The following ZNF135 variants were observed in gnomAD, a reference collection of about 807,000 sequenced individuals.
ZNF135 encodes zinc finger protein 135 (clone pHZ-17).
In ZNF135, 11 loss-of-function variants were observed where a neutral mutation model predicts 12.3. The ratio of observed to expected loss-of-function variants is 0.89; its 90% CI spans 0.56 to 1.48. The LOEUF (loss-of-function observed/expected upper bound fraction) is 1.48, where lower values mean the gene tolerates loss of function less well. ZNF135 is among the 40% of genes most tolerant of loss of function. ZNF135 has a pLI of 0.00. For missense variants in ZNF135, 722 were observed against 815.7 expected, an observed-to-expected ratio of 0.89 and a Z score of 1.40; for synonymous variants, 316 against 312.0, an observed-to-expected ratio of 1.01 and a Z score of -0.14.
chr19:58,068,470 C>T lies in ZNF135; in HGVS notation c.*9C>T, dbSNP rs1215912648. On this transcript the variant is annotated 3_prime_UTR_variant, in exon 5 of 5. Coordinates refer to ENST00000313434, the MANE Select transcript of ZNF135 (RefSeq NM_001289401.2). ...GAACTCACACTGGATAAACCCACTCCACATGTGCTGGGGACATAGGAAGAC... is the reference window on the plus strand; with the variant it reads ...GAACTCACACTGGATAAACCCACTCTACATGTGCTGGGGACATAGGAAGAC... 6.2e-7 allele frequency: 1 copy of T among 1,612,102 alleles called. No individual in the cohort carries two copies. Among genetic ancestry groups the T allele is most frequent in the Admixed American group, 1.7e-5 (1 of 59,942 alleles).
Position 58,063,467 on chromosome 19 carries a change from A to T in ZNF135, c.182A>T (p.Asn61Ile). 6.2e-7 allele frequency: 1 copy of T among 1,614,122 alleles called. No individual in the cohort carries two copies. The highest frequency in any genetic ancestry group is 8.5e-7 in the Non-Finnish European group (1 of 1,179,994). The change falls in exon 4 of 5, where the codon AAT becomes ATT. Residue 61 changes from asparagine to isoleucine, a missense_variant. Transcript: ENST00000313434. The surrounding 1 kb of genome is among the most constrained non-coding windows in gnomAD (Gnocchi z 4.4). ...VSVGHWLPKPNVISLLEQEAE... is the reference protein window; with the variant it reads ...VSVGHWLPKPIVISLLEQEAE... ...GCAGGACATTGGTTACCGAAGCCGA[A>T]TGTCATCTCCCTGCTGGAGCAAGAG...
rs758415997 is a variant in ZNF135, at chr19:58,067,862, C to G, written c.1378C>G (p.His460Asp). 1.9e-6 allele frequency: 3 copies of G among 1,613,256 alleles called. No homozygotes were observed. The highest frequency in any genetic ancestry group is 2.5e-6 in the Non-Finnish European group (3 of 1,179,892). ...CTCACTCAGCCAGCATGAGCGGACA[C>G]ACACAGGAGAGAAGCCCTATGAGTG... is the stretch of plus-strand genomic sequence containing the variant. ...SSSLSQHERT[H>D]TGEKPYECSQ... Residue 460 changes from histidine to aspartate, a missense_variant, in exon 5 of 5, where the codon CAC (histidine) becomes GAC (aspartate). Coordinates refer to ENST00000313434, the MANE Select transcript of ZNF135 (RefSeq NM_001289401.2).
At position 58,065,508 on chromosome 19, in the gene ZNF135, C is replaced by A. The variant is rs1451005301; in HGVS notation, c.257-1233C>A. Among the ~76,000 whole-genome samples the A allele has an allele frequency of 1.3e-5, 2 of 152,190 alleles. No individual in the cohort carries two copies. Among genetic ancestry groups the A allele is most frequent in the African/African-American group, 2.4e-5 (1 of 41,444 alleles). ...CCTGTGCCTGGCTAAGAATCCGTTT[C>A]TTTGCATTTTTCAGCTTCTAGAGGC... On this transcript the variant is annotated intron_variant, in intron 4 of 4. Transcript: ENST00000313434. This position sits in a 1 kb window ranked among gnomAD's most constrained non-coding sequence, Gnocchi z 4.0.
rs1370932606 is a variant in ZNF135 at position 58,065,237 on chromosome 19, A to C, written c.257-1504A>C. Reference sequence around the variant, plus strand: ...GAGATGGGGTCTTGCTATCTTGCCTAGGATGGAGTCCAGTGGTATGATCAT... The same window carrying C: ...GAGATGGGGTCTTGCTATCTTGCCTCGGATGGAGTCCAGTGGTATGATCAT... On this transcript the variant is annotated intron_variant, in intron 4 of 4. Coordinates refer to ENST00000313434, the MANE Select transcript of ZNF135 (RefSeq NM_001289401.2). This position sits in a 1 kb window ranked among gnomAD's most constrained non-coding sequence, Gnocchi z 4.0. 6.6e-6 allele frequency among the ~76,000 whole-genome samples: 1 copy of C among 152,084 alleles called. No homozygotes were observed. The highest frequency in any genetic ancestry group is 1.9e-4 in the East Asian group (1 of 5,172).
chr19:58,066,853 C>T lies in ZNF135; in HGVS notation c.369C>T (p.Tyr123=), dbSNP rs776282357. ...VERFLWDGLW[Y]CRGEDTEGHW... Reference sequence around the variant, plus strand: ...GATTCCTGTGGGATGGTCTGTGGTACTGCAGGGGTGAGGACACTGAGGGCC... The same window carrying T: ...GATTCCTGTGGGATGGTCTGTGGTATTGCAGGGGTGAGGACACTGAGGGCC... Residue 123 remains tyrosine (Y), a synonymous_variant, in exon 5 of 5, where the codon TAC becomes TAT. Transcript: ENST00000313434. 6.2e-7 allele frequency: 1 copy of T among 1,614,182 alleles called. No homozygotes were observed. Among genetic ancestry groups the T allele is most frequent in the Admixed American group, 1.7e-5 (1 of 60,014 alleles).
Position 58,059,950 on chromosome 19 carries a change from C to CGG in ZNF135, c.-34-19_-34-18insGG. The CGG allele has an allele frequency of 5.0e-6, 8 of 1,611,794 alleles. No individual in the cohort carries two copies. The highest frequency in any genetic ancestry group is 5.9e-6 in the Non-Finnish European group (7 of 1,179,408). ...ACCGCCTCTGCCTGCCCCAGCTGCT[C>CGG]ACCTCCCCTTTCCCACAGAGCAGGG... is the stretch of plus-strand genomic sequence containing the variant. On this transcript the variant is annotated intron_variant, in intron 1 of 4. Coordinates refer to ENST00000313434, the MANE Select transcript of ZNF135 (RefSeq NM_001289401.2). This position sits in a 1 kb window ranked among gnomAD's most constrained non-coding sequence, Gnocchi z 6.5.
In ZNF135 at chr19:58,067,779, A is replaced by G. The variant is rs530582805; in HGVS notation, c.1295A>G (p.His432Arg). The stretch of plus-strand genomic sequence containing the variant: ...CTCCTGACCGAGCATCGGAGGATTC[A>G]CACAGGAGAGAAGCCCTATGGATGC... ...STLLTEHRRIHTGEKPYGCNE... is the reference protein window; with the variant it reads ...STLLTEHRRIRTGEKPYGCNE... The change falls in exon 5 of 5, where the codon CAC (histidine) becomes CGC (arginine). Residue 432 changes from histidine to arginine, a missense_variant. His to Arg is a conservative substitution (Grantham distance 29). Coordinates refer to ENST00000313434, the MANE Select transcript of ZNF135 (RefSeq NM_001289401.2). 3.1e-4 allele frequency: 495 copies of G among 1,614,138 alleles called. 10 individuals are homozygous for G. The South Asian group carries it at 5.4e-3, about 18-fold the overall frequency.
rs758602832 is a variant in ZNF135 at position 58,067,491 on chromosome 19, G to A, written c.1007G>A (p.Arg336Gln). The A allele has an allele frequency of 3.1e-6, 5 of 1,613,804 alleles. No individual in the cohort carries two copies. Among genetic ancestry groups the A allele is most frequent in the African/African-American group, 1.3e-5 (1 of 74,808 alleles). The change falls in exon 5 of 5, where the codon CGG (arginine) becomes CAG (glutamine). Residue 336 changes from arginine (R) to glutamine (Q), a missense_variant. By Grantham distance (43) the Arg-to-Gln change is conservative (BLOSUM62 1). Coordinates refer to ENST00000313434, the MANE Select transcript of ZNF135 (RefSeq NM_001289401.2). ...TGCAGTGAGTGTGGGAAAGCCTTCC[G>A]GCAAAGCATCCACCTCACCCAGCAT... Reference protein sequence around the residue: ...YECSECGKAFRQSIHLTQHLR... With the variant: ...YECSECGKAFQQSIHLTQHLR...
At chr19:58,066,395 G>A (rs931184849) in intron 4 of ZNF135, among the ~76,000 whole-genome samples, 9 of 151,820 alleles carry the variant, frequency 5.9e-5, no homozygotes, top group Non-Finnish European at 7.4e-5. Context: ...GCCTCTGTGT[G>A]TCTGAGTGCT....
intron 4 of ZNF135, 179 bp from the exon 5 acceptor site, chr19:58,066,562 T>G: frequency 1.3e-6 from 1 of 755,022 alleles, no homozygotes; most frequent in Non-Finnish European, 2.1e-6. Context: ...TCTTCCTTAT[T>G]CTGTGTTTCC....
In ZNF135 at chr19:58,068,122, A is replaced by G; in HGVS notation, c.1638A>G (p.Gly546=). Residue 546 remains glycine (G), a synonymous_variant, in exon 5 of 5, where the codon GGA becomes GGG. Coordinates refer to ENST00000313434, the MANE Select transcript of ZNF135 (RefSeq NM_001289401.2). ...TTCAGCATCAGAGGATCCACACAGGAGAGAAACCCTATGAATGTAACCAGT... is the reference window on the plus strand; with the variant it reads ...TTCAGCATCAGAGGATCCACACAGGGGAGAAACCCTATGAATGTAACCAGT... ...PLIQHQRIHT[G]EKPYECNQCG... is the part of the protein sequence containing the mutation. 3 of 1,614,016 alleles carry G rather than the reference A, an allele frequency of 1.9e-6. No homozygotes were observed. Among genetic ancestry groups the G allele is most frequent in the Non-Finnish European group, 8.5e-7 (1 of 1,180,014 alleles).
chr19:58,063,497 A>G lies in ZNF135; in HGVS notation c.212A>G (p.Glu71Gly), dbSNP rs1456802462. 2.5e-6 allele frequency: 4 copies of G among 1,614,152 alleles called. No homozygotes were observed. The highest frequency in any genetic ancestry group is 3.4e-6 in the Non-Finnish European group (4 of 1,180,010). The stretch of plus-strand genomic sequence containing the variant: ...ATCTCCCTGCTGGAGCAAGAGGCAG[A>G]GCTGTGGGCGGTGGAGTCTAGACTT... Reference protein sequence around the residue: ...NVISLLEQEAELWAVESRLPQ... With the variant: ...NVISLLEQEAGLWAVESRLPQ... Residue 71 changes from glutamate (E) to glycine (G), a missense_variant, in exon 4 of 5, where the codon GAG becomes GGG. Glu to Gly is a moderately conservative substitution (Grantham distance 98). Coordinates refer to ENST00000313434, the MANE Select transcript of ZNF135 (RefSeq NM_001289401.2). The surrounding 1 kb of genome is among the most constrained non-coding windows in gnomAD (Gnocchi z 4.4).
Position 58,063,357 on chromosome 19 carries a change from G to C in ZNF135, c.161-89G>C. On this transcript the variant is annotated intron_variant, in intron 3 of 4. Transcript: ENST00000313434. This position sits in a 1 kb window ranked among gnomAD's most constrained non-coding sequence, Gnocchi z 4.4. Reference sequence around the variant, plus strand: ...TCACTCAGGGGTCCCCAGCCATCTGGGACCTGGAAGACCAAAGGTGGAATG... The same window carrying C: ...TCACTCAGGGGTCCCCAGCCATCTGCGACCTGGAAGACCAAAGGTGGAATG... 6.4e-7 allele frequency: 1 copy of C among 1,572,998 alleles called. No homozygotes were observed. The highest frequency in any genetic ancestry group is 8.6e-7 in the Non-Finnish European group (1 of 1,157,354).
chr19:58,060,284 A>G lies in ZNF135; in HGVS notation c.33+249A>G. 3.6e-6 allele frequency: 5 copies of G among 1,374,478 alleles called. No individual in the cohort carries two copies. In the East Asian group the frequency reaches 1.1e-4, roughly 30 times the overall value. The allele number at this position is 1,374,478 out of a possible 1,614,324, so 85.1% of individuals were successfully genotyped here. A position where few individuals can be genotyped will look rare whatever the true frequency, so the allele number is the denominator to read the frequency against. ...CTACTCGTGCCCGGCCTCTATTTGC[A>G]CATCTAGCCTCTACTCGTGTCCGGC... On this transcript the variant is annotated intron_variant, in intron 2 of 4. Transcript: ENST00000313434. This position sits in a 1 kb window ranked among gnomAD's most constrained non-coding sequence, Gnocchi z 4.9.
chr19:58,062,091 A>G (rs1056453122), intron 3 of ZNF135, among the ~76,000 whole-genome samples: 2 of 152,114 alleles, frequency 1.3e-5, no homozygotes, highest in Admixed American at 6.5e-5. Context: ...TTTAAACAAT[A>G]GATATTTGTT....
In ZNF135 at chr19:58,065,917, G is replaced by A. The variant is rs73577027; in HGVS notation, c.257-824G>A. 0.018 allele frequency among the ~76,000 whole-genome samples: 2,718 copies of A among 152,100 alleles called. 84 individuals carry two copies. Among genetic ancestry groups the A allele is most frequent in the African/African-American group, 0.061 (2,542 of 41,456 alleles). ...CCACTGTGGGGTCAGGGTAGGGGCA[G>A]CACACACCCAGGTCATGGCTGTGCA... On this transcript the variant is annotated intron_variant, in intron 4 of 4. Coordinates refer to ENST00000313434, the MANE Select transcript of ZNF135 (RefSeq NM_001289401.2). This position sits in a 1 kb window ranked among gnomAD's most constrained non-coding sequence, Gnocchi z 4.0.
intron 4 of ZNF135, among the ~76,000 whole-genome samples, chr19:58,064,654 G>C (rs112228170): frequency 9.5e-4 from 144 of 152,056 alleles, no homozygotes; most frequent in African/African-American, 3.3e-3. Flanking sequence ...GGCTATGGCA[G>C]GTGGTATTTG....
Position 58,060,079 on chromosome 19 carries a change from C to G in ZNF135, c.33+44C>G. On this transcript the variant is annotated intron_variant, in intron 2 of 4. Transcript: ENST00000313434. The surrounding 1 kb of genome is among the most constrained non-coding windows in gnomAD (Gnocchi z 4.9). ...TTGCGCGTGTCCTCCACCTCGTGCC[C>G]GGCCTCCTCGCGCGCGGCCTTCTCA... 2 of 1,611,338 alleles carry G rather than the reference C, an allele frequency of 1.2e-6. No individual in the cohort carries two copies. Among genetic ancestry groups the G allele is most frequent in the South Asian group, 2.2e-5 (2 of 91,034 alleles).
Position 58,060,287 on chromosome 19 carries a change from T to C in ZNF135, c.33+252T>C, listed in dbSNP as rs980098547. The C allele has an allele frequency of 7.3e-7, 1 of 1,377,388 alleles. No individual in the cohort carries two copies. Among genetic ancestry groups the C allele is most frequent in the Non-Finnish European group, 9.5e-7 (1 of 1,057,742 alleles). 85.3% of individuals were successfully genotyped at this position (1,377,388 alleles called of 1,614,324 possible). A position where few individuals can be genotyped will look rare whatever the true frequency, so the allele number is the denominator to read the frequency against. Reference sequence around the variant, plus strand: ...CTCGTGCCCGGCCTCTATTTGCACATCTAGCCTCTACTCGTGTCCGGCCTC... The same window carrying C: ...CTCGTGCCCGGCCTCTATTTGCACACCTAGCCTCTACTCGTGTCCGGCCTC... On this transcript the variant is annotated intron_variant, in intron 2 of 4. Transcript: ENST00000313434. This position sits in a 1 kb window ranked among gnomAD's most constrained non-coding sequence, Gnocchi z 4.9.
Sources: allele counts gnomAD v4.1 joint callset (sites outside exome capture counted in the v4.1 genomes callset), GRCh38; gene constraint gnomAD v4.1.1; non-coding constraint Gnocchi (gnomAD v3.1); transcripts MANE v1.5; gene names NCBI Gene and HGNC (gene_info 2026-07-23, HGNC 2026-07-21).